CPEB2: variants seen among roughly 807,000 people sequenced by gnomAD.
The protein encoded by CPEB2 is cytoplasmic polyadenylation element binding protein 2, also known as cytoplasmic polyadenylation element-binding protein 2.
In CPEB2, 56 loss-of-function variants were observed where a neutral mutation model predicts 93.6. The ratio of observed to expected loss-of-function variants is 0.60; its 90% confidence interval spans 0.48 to 0.75. The LOEUF is 0.75. Among genes scored for constraint, CPEB2 ranks in the 30% least tolerant of loss-of-function variants. The pLI, the probability that CPEB2 is intolerant of heterozygous loss-of-function variation, is 0.00. For missense variants in CPEB2, 1,579 were observed against 1,395.1 expected (o/e 1.13, Z -2.10); for synonymous variants, 764 against 586.3 (o/e 1.30, Z -4.38).
intron 5 of CPEB2, among the ~76,000 whole-genome samples, chr4:15,038,981 T>C (rs1726912335): frequency 6.6e-6 from 1 of 152,198 alleles, no homozygotes; most frequent in African/African-American, 2.4e-5. Flanking sequence ...TTAAAAACTT[T>C]TATGTTTAGA....
intron 6 of CPEB2, among the ~76,000 whole-genome samples, chr4:15,051,120 C>G (rs1232301668): frequency 6.6e-6 from 1 of 152,050 alleles, no homozygotes; most frequent in Non-Finnish European, 1.5e-5. Flanking sequence ...TATTTTGTTT[C>G]CTATCTGCTT....
rs541197720 is a variant in CPEB2 at position 15,065,039 on chromosome 4, C to T, written c.2878-1114C>T. 2.0e-4 allele frequency among the ~76,000 whole-genome samples: 31 copies of T among 152,130 alleles called. No individual in the cohort carries two copies. In the South Asian group the frequency reaches 4.6e-3, roughly 22 times the overall value. ...TCGAATATACATAAAATATATTTAT[C>T]CTAATCCTAATCAATGAAATATAAA... On this transcript the variant is annotated intron_variant, in intron 11 of 11. Transcript: ENST00000538197.
At position 15,003,115 on chromosome 4, in the gene CPEB2, T is replaced by TC; in HGVS notation, c.444dup (p.Ser149LeufsTer20). The TC allele has an allele frequency of 6.6e-7, 1 of 1,519,812 alleles. No homozygotes were observed. Among genetic ancestry groups the TC allele is most frequent in the Non-Finnish European group, 8.8e-7 (1 of 1,139,500 alleles). The allele number at this position is 1,519,812 out of a possible 1,614,324, so 94.1% of individuals were successfully genotyped here. ...CTTCAAACCGAGTCTGCACCACCCCTCCTCCTCCTCCGCCTCCTCCTGCTG... is the reference window on the plus strand; with the variant it reads ...CTTCAAACCGAGTCTGCACCACCCCTCCCTCCTCCTCCGCCTCCTCCTGCTG... On this transcript the variant is annotated frameshift_variant, in exon 1 of 12. Coordinates refer to ENST00000538197, the MANE Select transcript of CPEB2 (RefSeq NM_001177382.2). LOFTEE classifies it high-confidence loss of function.
At chr4:15,038,326 A>G (rs1726833214) in intron 5 of CPEB2, among the ~76,000 whole-genome samples, 2 of 152,206 alleles carry the variant, frequency 1.3e-5, no homozygotes, top group Admixed American at 6.5e-5. Context: ...AATTTTCTCA[A>G]TAGGTCAATA....
intron 4 of CPEB2, among the ~76,000 whole-genome samples, chr4:15,019,794 A>G (rs1724613350): frequency 6.6e-6 from 1 of 152,098 alleles, no homozygotes; most frequent in South Asian, 2.1e-4. Flanking sequence ...AATATCTAGG[A>G]AAATGAACTT....
In CPEB2 at chr4:15,024,200, TC is replaced by T. The variant is rs1364376037; in HGVS notation, c.2125+6924del. ...CCTATATAGCAGTCATTTTGGGACT[TC>T]CATAATCCTAGGAATTCCTTTTTTT... On this transcript the variant is annotated intron_variant, in intron 4 of 11. Coordinates refer to ENST00000538197, the MANE Select transcript of CPEB2 (RefSeq NM_001177382.2). 2.0e-5 allele frequency among the ~76,000 whole-genome samples: 3 copies of T among 152,212 alleles called. No individual in the cohort carries two copies. In the East Asian group the frequency reaches 5.8e-4, roughly 29 times the overall value.
intron 6 of CPEB2, 84 bp downstream of exon 6, chr4:15,040,571 C>A: frequency 8.2e-7 from 1 of 1,222,586 alleles, no homozygotes; most frequent in African/African-American, 1.5e-5. Flanking sequence ...CTAGATTTTT[C>A]ATGCAATATC....
chr4:15,003,247 G>C lies in CPEB2; in HGVS notation c.574G>C (p.Asp192His), dbSNP rs143336011. 50,867 of 1,516,626 alleles carry C rather than the reference G, an allele frequency of 0.034. 1,388 individuals are homozygous for C. The highest frequency in any genetic ancestry group is 0.12 in the South Asian group (10,312 of 82,664). 93.9% of individuals were successfully genotyped at this position (1,516,626 alleles called of 1,614,324 possible). Residue 192 changes from aspartate (D) to histidine (H), a missense_variant, in exon 1 of 12, where the codon GAC becomes CAC. Asp to His is a moderately conservative substitution (Grantham distance 81, BLOSUM62 -1). This residue lies in a region of CPEB2 where 1,411 missense variants were observed against 1,056.0 expected (regional missense o/e 1.34). Transcript: ENST00000538197. The part of the protein sequence containing the change: ...FSPPHLPHPP[D>H]SKPPPPPPPL... ...CCCTCCCCACCTTCCCCACCCTCCG[G>C]ACTCGAAGCCGCCGCCGCCGCCTCC... is the stretch of plus-strand genomic sequence containing the variant.
At chr4:15,017,039 T>G in intron 3 of CPEB2, 149 bp from the exon 4 acceptor site, 1 of 581,660 alleles carries the variant, frequency 1.7e-6, no homozygotes, top group South Asian at 2.1e-5. Context: ...GTTCATGAGA[T>G]CTTTAGTTAT....
chr4:15,012,225 TG>T lies in CPEB2; in HGVS notation c.2034+3800del, dbSNP rs553778804. 1.6e-3 allele frequency among the ~76,000 whole-genome samples: 244 copies of T among 152,346 alleles called. 1 individual carries two copies. Among genetic ancestry groups the T allele is most frequent in the African/African-American group, 5.2e-3 (218 of 41,592 alleles). Reference sequence around the variant, plus strand: ...GACTCTTGTATTACAGCTTAAGTAATGGATGCCTTCTTTTTGTTTCCTATTC... The same window carrying T: ...GACTCTTGTATTACAGCTTAAGTAATGATGCCTTCTTTTTGTTTCCTATTC... On this transcript the variant is annotated intron_variant, in intron 3 of 11. Coordinates refer to ENST00000538197, the MANE Select transcript of CPEB2 (RefSeq NM_001177382.2).
intron 8 of CPEB2, among the ~76,000 whole-genome samples, chr4:15,057,861 T>G (rs909911155): frequency 3.3e-5 from 5 of 152,182 alleles, no homozygotes; most frequent in African/African-American, 1.2e-4. Context: ...TTCATGAGAC[T>G]GTGGAATGTT....
At chr4:15,037,041 G>T (rs1034595358) in intron 5 of CPEB2, among the ~76,000 whole-genome samples, 2 of 152,080 alleles carry the variant, frequency 1.3e-5, no homozygotes, top group Admixed American at 1.3e-4. Flanking sequence ...AATGGCTCAC[G>T]CCTGTAATCC....
Position 15,052,536 on chromosome 4 carries a change from T to A in CPEB2, c.2323T>A (p.Phe775Ile). 6.3e-7 allele frequency: 1 copy of A among 1,576,670 alleles called. No homozygotes were observed. Among genetic ancestry groups the A allele is most frequent in the Non-Finnish European group, 8.6e-7 (1 of 1,156,368 alleles). The change falls in exon 7 of 12, where the codon TTC becomes ATC. Residue 775 changes from phenylalanine to isoleucine, a missense_variant. Physicochemically the swap from Phe to Ile is conservative, Grantham distance 21 (BLOSUM62 0). Around this residue, in one of 2 missense-constraint regions of CPEB2, gnomAD observed 168 missense variants for 339.1 expected, o/e 0.50. Transcript: ENST00000538197. ...AHQNGERIER[F>I]SRKVFVGGLP... The stretch of plus-strand genomic sequence containing the variant: ...CCAAAATGGAGAGCGAATAGAACGC[T>A]TCTCTCGAAAAGTTTTTGTTGGTGG...
At chr4:15,020,420 T>C (rs115623659) in intron 4 of CPEB2, among the ~76,000 whole-genome samples, 1 of 152,044 alleles carries the variant, frequency 6.6e-6, no homozygotes, top group Admixed American at 6.6e-5. Context: ...AGCAGATAGA[T>C]CTCTAGAATG....
chr4:15,024,962 G>A (rs1026584431), intron 4 of CPEB2, among the ~76,000 whole-genome samples: 5 of 151,766 alleles, frequency 3.3e-5, no homozygotes, highest in Admixed American at 1.3e-4. Context: ...GGCCAAGCTG[G>A]TCTCGAACTC....
chr4:15,051,042 A>T (rs1335703926), intron 6 of CPEB2, among the ~76,000 whole-genome samples: 5 of 152,094 alleles, frequency 3.3e-5, no homozygotes, highest in Non-Finnish European at 5.9e-5. Context: ...AACTGTCCTT[A>T]TATCAGTTAA....
intron 8 of CPEB2, among the ~76,000 whole-genome samples, chr4:15,057,329 A>C (rs951682808): frequency 7.2e-5 from 11 of 152,114 alleles, no homozygotes; most frequent in Non-Finnish European, 2.9e-5. Context: ...TTTTTATTTT[A>C]TTAAAATGAA....
chr4:15,026,218 T>G (rs190712748), intron 4 of CPEB2, among the ~76,000 whole-genome samples: 125 of 150,466 alleles, frequency 8.3e-4, no homozygotes, highest in African/African-American at 2.8e-3. Flanking sequence ...ATTCAATTGT[T>G]TGTTTTTGTT....
chr4:15,009,162 C>T (rs1003049574), intron 3 of CPEB2, among the ~76,000 whole-genome samples: 45 of 152,186 alleles, frequency 3.0e-4, no homozygotes, highest in African/African-American at 1.0e-3. Flanking sequence ...TTCTTTCTTA[C>T]AGAGCTCAAG....
Sources: gnomAD v4.1 joint callset for allele counts (sites outside exome capture counted in the v4.1 genomes callset) on GRCh38, gnomAD v4.1.1 for gene constraint, gnomAD v4.1.1 regional missense constraint, MANE v1.5 for transcripts, NCBI Gene and HGNC (gene_info 2026-07-23, HGNC 2026-07-21) for gene names.